The following AGBL4 variants were observed in gnomAD, a reference collection of about 807,000 sequenced individuals.
The protein encoded by AGBL4 is cytosolic carboxypeptidase 6.
AGBL4 carries 58 observed loss-of-function variants against 66.4 expected under a neutral mutation model. The ratio of observed to expected loss-of-function variants is 0.87; its 90% CI spans 0.71 to 1.09. AGBL4 has a LOEUF of 1.09. AGBL4 is among the 50% of genes least tolerant of loss of function. The pLI, the probability that AGBL4 is intolerant of heterozygous loss-of-function variation, is 0.00. For synonymous variants in AGBL4, 234 were observed against 222.9 expected, an observed-to-expected ratio of 1.05 and a Z score of -0.44; for missense variants, 579 against 631.0, an observed-to-expected ratio of 0.92 and a Z score of 0.88.
chr1:49,962,376 C>T (rs1300524245), intron 1 of AGBL4, among the ~76,000 whole-genome samples: 1 of 152,122 alleles, frequency 6.6e-6, no homozygotes, highest in African/African-American at 2.4e-5. Flanking sequence ...CCAGTAACAG[C>T]AGCTTACATC....
At chr1:49,961,593 A>G (rs1657124036) in intron 1 of AGBL4, among the ~76,000 whole-genome samples, 1 of 152,116 alleles carries the variant, frequency 6.6e-6, no homozygotes, top group African/African-American at 2.4e-5. Flanking sequence ...TTCTACTATG[A>G]CTGTTATTTC....
intron 3 of AGBL4, among the ~76,000 whole-genome samples, chr1:49,250,863 A>G (rs1377116121): frequency 6.6e-6 from 1 of 152,162 alleles, no homozygotes; most frequent in African/African-American, 2.4e-5. Flanking sequence ...GGTGGCAGGG[A>G]GAGCTGCTTT....
At chr1:49,315,776 T>A (rs74520300) in intron 3 of AGBL4, among the ~76,000 whole-genome samples, 2 of 152,038 alleles carry the variant, frequency 1.3e-5, no homozygotes, top group Admixed American at 6.6e-5. Flanking sequence ...CCCAAATGAT[T>A]TGAAAGCTGA....
chr1:49,655,960 A>C (rs1162722087), intron 3 of AGBL4, among the ~76,000 whole-genome samples: 1 of 152,196 alleles, frequency 6.6e-6, no homozygotes, highest in Non-Finnish European at 1.5e-5. Context: ...CAGCCTGACC[A>C]ACCTGGTGAA....
At chr1:49,536,763 A>C (rs1483387909) in intron 3 of AGBL4, among the ~76,000 whole-genome samples, 2 of 152,152 alleles carry the variant, frequency 1.3e-5, no homozygotes, top group African/African-American at 4.8e-5. Context: ...TTTACATCCA[A>C]CTGATCTTTT....
intron 2 of AGBL4, among the ~76,000 whole-genome samples, chr1:49,808,681 A>G (rs1645029180): frequency 6.6e-6 from 1 of 152,194 alleles, no homozygotes; most frequent in Non-Finnish European, 1.5e-5. Context: ...CTAAATACTT[A>G]TAAATATTAG....
chr1:49,147,098 A>C (rs1646232882), intron 4 of AGBL4, among the ~76,000 whole-genome samples: 2 of 152,168 alleles, frequency 1.3e-5, no homozygotes, highest in African/African-American at 4.8e-5. Flanking sequence ...TTCTGTCCAC[A>C]GATGTCTGCA....
chr1:49,003,866 A>G lies in AGBL4; in HGVS notation c.594+41718T>C, dbSNP rs559435142. On this transcript the variant is annotated intron_variant, in intron 5 of 13. Transcript: ENST00000371839. ...CTTCTGCACATGAATCCCCTTAGTA[A>G]TATCACCCAAACAGGAGCCATTGCT... Among the ~76,000 whole-genome samples, 5 of 152,258 alleles carry G rather than the reference A, an allele frequency of 3.3e-5. No individual in the cohort carries two copies. In the East Asian group the frequency reaches 9.7e-4, roughly 29 times the overall value.
chr1:49,046,559 T>C (rs1218807258), intron 4 of AGBL4, among the ~76,000 whole-genome samples: 1 of 152,216 alleles, frequency 6.6e-6, no homozygotes, highest in African/African-American at 2.4e-5. Context: ...GTTTCCATAA[T>C]GTCTTTGCAT....
At chr1:49,286,508 G>C (rs1423307293) in intron 3 of AGBL4, among the ~76,000 whole-genome samples, 1 of 152,104 alleles carries the variant, frequency 6.6e-6, no homozygotes, top group Non-Finnish European at 1.5e-5. Context: ...AGCAACTTCA[G>C]CAAAGTCTCA....
At chr1:48,714,552 T>C (rs1647017941) in intron 6 of AGBL4, among the ~76,000 whole-genome samples, 1 of 152,228 alleles carries the variant, frequency 6.6e-6, no homozygotes, top group Non-Finnish European at 1.5e-5. Context: ...CTTGCCGGAC[T>C]ATTAAGCCCC....
intron 2 of AGBL4, among the ~76,000 whole-genome samples, chr1:49,819,114 T>A (rs943516891): frequency 6.6e-6 from 1 of 152,180 alleles, no homozygotes; most frequent in Non-Finnish European, 1.5e-5. Context: ...TGGAATATAA[T>A]AGATGATCAA....
intron 4 of AGBL4, among the ~76,000 whole-genome samples, chr1:49,054,878 T>G (rs557350545): frequency 1.3e-5 from 2 of 152,118 alleles, no homozygotes; most frequent in East Asian, 3.9e-4. Flanking sequence ...ATTTTGGCTG[T>G]CTTTTGTTCA....
intron 2 of AGBL4, among the ~76,000 whole-genome samples, chr1:49,765,933 A>G (rs916726755): frequency 2.6e-5 from 4 of 152,190 alleles, no homozygotes; most frequent in Non-Finnish European, 5.9e-5. Context: ...GAAATATGGA[A>G]TTATGTAAAG....
intron 1 of AGBL4, among the ~76,000 whole-genome samples, chr1:49,966,342 T>C (rs1304317536): frequency 2.0e-5 from 3 of 152,228 alleles, no homozygotes; most frequent in Non-Finnish European, 2.9e-5. Flanking sequence ...CATAAAATTG[T>C]ATCCTGTTTC....
chr1:48,789,653 G>A (rs983985240), intron 6 of AGBL4, among the ~76,000 whole-genome samples: 2 of 152,120 alleles, frequency 1.3e-5, no homozygotes, highest in African/African-American at 4.8e-5. Flanking sequence ...TCCAAATCAT[G>A]TTCCCTGATT....
chr1:48,523,875 T>C, the AGBL4 span, among the ~76,000 whole-genome samples: 1 of 152,214 alleles, frequency 6.6e-6, no homozygotes, highest in Admixed American at 6.5e-5. Context: ...GTACAGCCTA[T>C]GGCTCCTAGG....
intron 9 of AGBL4, among the ~76,000 whole-genome samples, chr1:48,595,411 T>TTAAG (rs144604244): frequency 0.024 from 3,617 of 152,344 alleles, 74 homozygotes; most frequent in South Asian, 0.058. Context: ...CAAATGCATC[T>TTAAG]TAAGTTGTTC....
chr1:49,566,444 CT>C (rs1239340080), intron 3 of AGBL4, among the ~76,000 whole-genome samples: 1 of 152,104 alleles, frequency 6.6e-6, no homozygotes, highest in Non-Finnish European at 1.5e-5. Context: ...TACCTTTGGT[CT>C]TTGATGATGG....
Sources: allele counts gnomAD v4.1 joint callset (sites outside exome capture counted in the v4.1 genomes callset), GRCh38; gene constraint gnomAD v4.1.1; transcripts MANE v1.5; gene names NCBI Gene and HGNC (gene_info 2026-07-23, HGNC 2026-07-21).